SLC23A2: variants seen among roughly 807,000 people sequenced by gnomAD.
SLC23A2 encodes Na(+)/L-ascorbic acid transporter 2.
In SLC23A2, 36 loss-of-function variants were observed where a neutral mutation model predicts 73.3. The ratio of observed to expected loss-of-function variants is 0.49; its 90% CI spans 0.38 to 0.65. SLC23A2 has a LOEUF of 0.65. Ranked by LOEUF, SLC23A2 falls within the 30% of genes least tolerant of loss-of-function variation. The pLI, the probability that SLC23A2 is intolerant of heterozygous loss-of-function variation, is 0.00. For synonymous variants in SLC23A2, 343 were observed against 327.3 expected (o/e 1.05, Z -0.52); for missense variants, 507 against 841.6 (o/e 0.60, Z 4.92).
intron 4 of SLC23A2, among the ~76,000 whole-genome samples, chr20:4,908,289 T>C (rs1442823821): frequency 6.6e-6 from 1 of 152,108 alleles, no homozygotes; most frequent in Non-Finnish European, 1.5e-5. Context: ...GCCTCACTAA[T>C]GAAAAATCAG....
At chr20:4,941,579 G>C (rs948052002) in intron 2 of SLC23A2, among the ~76,000 whole-genome samples, 13 of 151,588 alleles carry the variant, frequency 8.6e-5, no homozygotes, top group African/African-American at 2.4e-4. Flanking sequence ...GAGCATGCCT[G>C]TAATCCCAGC....
chr20:4,932,543 T>G lies in SLC23A2; in HGVS notation c.20A>C (p.Asn7Thr). 6.3e-7 allele frequency: 1 copy of G among 1,590,196 alleles called. No individual in the cohort carries two copies. Among genetic ancestry groups the G allele is most frequent in the Non-Finnish European group, 8.6e-7 (1 of 1,158,100 alleles). The change falls in exon 3 of 17, where the codon AAT (asparagine) becomes ACT (threonine). Residue 7 changes from asparagine (N) to threonine (T), a missense_variant. By Grantham distance (65) the Asn-to-Thr change is moderately conservative. Around this residue, in one of 5 missense-constraint regions of SLC23A2, gnomAD observed 17 missense variants for 36.4 expected, o/e 0.47. Coordinates refer to ENST00000338244, the MANE Select transcript of SLC23A2 (RefSeq NM_005116.6). MMGIGK[N>T]TTSKSMEAGS... Reference sequence around the variant, plus strand: ...AGCCTCCATTGATTTGGATGTGGTATTCTTACCAATACCCATCATTAAGAG... The same window carrying G: ...AGCCTCCATTGATTTGGATGTGGTAGTCTTACCAATACCCATCATTAAGAG...
intron 4 of SLC23A2, among the ~76,000 whole-genome samples, chr20:4,904,388 G>A (rs932636787): frequency 3.3e-5 from 5 of 152,010 alleles, no homozygotes; most frequent in Admixed American, 6.5e-5. Context: ...TGTGCCTGGT[G>A]TCTCCTAGAC....
intron 2 of SLC23A2, among the ~76,000 whole-genome samples, chr20:4,965,216 A>C (rs2087457135): frequency 6.6e-6 from 1 of 152,114 alleles, no homozygotes; most frequent in East Asian, 1.9e-4. Flanking sequence ...TAAATTTATC[A>C]TTCCTAAGGG....
intron 3 of SLC23A2, among the ~76,000 whole-genome samples, chr20:4,924,436 C>T (rs1313558277): frequency 6.6e-6 from 1 of 152,250 alleles, no homozygotes; most frequent in Non-Finnish European, 1.5e-5. Flanking sequence ...CTTCTCCCAC[C>T]TCCACATGGC....
intron 1 of SLC23A2, among the ~76,000 whole-genome samples, chr20:5,007,778 T>A (rs2088206892): frequency 6.6e-6 from 1 of 152,214 alleles, no homozygotes; most frequent in Non-Finnish European, 1.5e-5. Flanking sequence ...ATTATATGAA[T>A]TATATACTAA....
At chr20:4,892,477 G>A (rs1364874467) in intron 6 of SLC23A2, among the ~76,000 whole-genome samples, 3 of 152,044 alleles carry the variant, frequency 2.0e-5, no homozygotes, top group South Asian at 2.1e-4. Flanking sequence ...ATGAGCCACC[G>A]TGCCCAGCCT....
At chr20:4,935,671 C>T (rs1023318476) in intron 2 of SLC23A2, among the ~76,000 whole-genome samples, 10 of 152,006 alleles carry the variant, frequency 6.6e-5, no homozygotes, top group Middle Eastern at 6.8e-3. Context: ...TGGTGGCGGG[C>T]GCCTGTAGTC....
At position 4,885,834 on chromosome 20, in the gene SLC23A2, T is replaced by C. The variant is rs1277265652; in HGVS notation, c.558A>G (p.Lys186=). 1.2e-6 allele frequency: 2 copies of C among 1,612,016 alleles called. No homozygotes were observed. Among genetic ancestry groups the C allele is most frequent in the Non-Finnish European group, 1.7e-6 (2 of 1,178,248 alleles). ...ARAILSLDKW[K]CNTTDVSVAN... The stretch of plus-strand genomic sequence containing the variant: ...AACTGCAATTACCTGTGGTGTTACA[T>C]TTCCATTTATCTAAAGACAGGATGG... Residue 186 remains lysine, a synonymous_variant, in exon 7 of 17, where the codon AAA becomes AAG. Transcript: ENST00000338244.
upstream of SLC23A2, among the ~76,000 whole-genome samples, chr20:5,002,007 T>C (rs2088135209): frequency 6.6e-6 from 1 of 152,120 alleles, no homozygotes; most frequent in African/African-American, 2.4e-5. Context: ...CATGCAGAGA[T>C]CGTAATACAG....
chr20:4,977,876 T>C (rs1403425548), intron 1 of SLC23A2, among the ~76,000 whole-genome samples: 4 of 152,012 alleles, frequency 2.6e-5, no homozygotes, highest in African/African-American at 9.7e-5. Flanking sequence ...TTCATAAATA[T>C]ATATGCAAGA....
chr20:4,975,276 C>A (rs1431882928), intron 1 of SLC23A2, among the ~76,000 whole-genome samples: 2 of 151,826 alleles, frequency 1.3e-5, no homozygotes, highest in Non-Finnish European at 2.9e-5. Flanking sequence ...CAAAGCACAA[C>A]GGAAGAAAAC....
At chr20:4,865,837 T>A (rs1424269254) in intron 13 of SLC23A2, among the ~76,000 whole-genome samples, 1 of 152,070 alleles carries the variant, frequency 6.6e-6, no homozygotes, top group Non-Finnish European at 1.5e-5. Context: ...TATTTTTTTT[T>A]ATTTTTTATT....
intron 3 of SLC23A2, among the ~76,000 whole-genome samples, chr20:4,916,465 C>T (rs906205314): frequency 3.9e-5 from 6 of 151,976 alleles, no homozygotes; most frequent in Admixed American, 1.3e-4. Context: ...ACCAAATGGA[C>T]GAGGCTGTAT....
intron 2 of SLC23A2, among the ~76,000 whole-genome samples, chr20:4,937,991 A>G (rs1032966837): frequency 5.9e-5 from 9 of 151,348 alleles, no homozygotes; most frequent in Non-Finnish European, 1.0e-4. Context: ...GTCTCTCATC[A>G]ACATCACAAC....
chr20:4,923,362 AT>A (rs1932564894), intron 3 of SLC23A2, among the ~76,000 whole-genome samples: 3 of 152,324 alleles, frequency 2.0e-5, no homozygotes, highest in African/African-American at 7.2e-5. Flanking sequence ...ATTTCAAAGC[AT>A]ATATTGGCAT....
At chr20:4,897,088 G>A (rs1931558889) in intron 6 of SLC23A2, among the ~76,000 whole-genome samples, 1 of 152,138 alleles carries the variant, frequency 6.6e-6, no homozygotes, top group Non-Finnish European at 1.5e-5. Context: ...CATGTGCTTC[G>A]ATGTCACCAT....
chr20:4,960,728 G>A (rs2087368634), intron 2 of SLC23A2, among the ~76,000 whole-genome samples: 1 of 152,230 alleles, frequency 6.6e-6, no homozygotes, highest in African/African-American at 2.4e-5. Flanking sequence ...GTACCTCTGG[G>A]AAGAAGAGAA....
At chr20:4,877,060 T>C (rs1264221775) in intron 9 of SLC23A2, among the ~76,000 whole-genome samples, 1 of 152,084 alleles carries the variant, frequency 6.6e-6, no homozygotes, top group African/African-American at 2.4e-5. Context: ...ATACCTAATG[T>C]AAATGACGAG....
Sources: gnomAD v4.1 joint callset for allele counts (sites outside exome capture counted in the v4.1 genomes callset) on GRCh38, gnomAD v4.1.1 for gene constraint, gnomAD v4.1.1 regional missense constraint, MANE v1.5 for transcripts, NCBI Gene and HGNC (gene_info 2026-07-23, HGNC 2026-07-21) for gene names.